Variants in PAPSS2 observed in about 807,000 individuals in gnomAD.
PAPSS2 encodes bifunctional 3'-phosphoadenosine 5'-phosphosulfate synthase 2.
Under a neutral mutation model 66.5 loss-of-function variants are expected in PAPSS2, and 61 were observed. That is an observed-to-expected ratio of 0.92 (90% CI 0.75 to 1.14). The LOEUF is 1.14. Among genes scored for constraint, PAPSS2 ranks in the 50% most tolerant of loss-of-function variants. The probability of loss-of-function intolerance (pLI) is 0.00; values close to 1 mark genes in which losing one functional copy is unlikely to be tolerated. For synonymous variants in PAPSS2, 289 were observed against 287.5 expected (o/e 1.01, Z -0.05); for missense variants, 708 against 789.6 (o/e 0.90, Z 1.24).
chr10:87,668,611 A>C (rs1852840587), intron 1 of PAPSS2, among the ~76,000 whole-genome samples: 1 of 151,776 alleles, frequency 6.6e-6, no homozygotes, highest in Admixed American at 6.6e-5. Flanking sequence ...TTTTTCTACT[A>C]AGTTGAACAT....
chr10:87,722,664 GGAA>G (rs1853611313), intron 8 of PAPSS2, among the ~76,000 whole-genome samples: 2 of 152,152 alleles, frequency 1.3e-5, no homozygotes, highest in African/African-American at 4.8e-5. Context: ...AGCACATGAA[GGAA>G]AAGGCTGAAA....
In PAPSS2 at chr10:87,743,444, C is replaced by T. The variant is rs201993263; in HGVS notation, c.1294C>T (p.Arg432Cys). 65 of 1,613,940 alleles carry T rather than the reference C, an allele frequency of 4.0e-5. No individual in the cohort carries two copies. Among genetic ancestry groups the T allele is most frequent in the Non-Finnish European group, 5.0e-5 (59 of 1,180,004 alleles). Residue 432 changes from arginine (R) to cysteine (C), a missense_variant, in exon 11 of 13, where the codon CGC becomes TGC. By Grantham distance (180) the Arg-to-Cys change is radical. Transcript: ENST00000456849. ...GHALLMQDTRRRLLERGYKHP... is the reference protein window; with the variant it reads ...GHALLMQDTRCRLLERGYKHP... ...TGCCCTGTTGATGCAGGACACTCGCCGCAGGCTCCTAGAGAGGGGCTACAA... is the reference window on the plus strand; with the variant it reads ...TGCCCTGTTGATGCAGGACACTCGCTGCAGGCTCCTAGAGAGGGGCTACAA...
chr10:87,711,194 C>T (rs1044785291), intron 2 of PAPSS2, among the ~76,000 whole-genome samples: 1 of 152,212 alleles, frequency 6.6e-6, no homozygotes, highest in Non-Finnish European at 1.5e-5. Flanking sequence ...GCCAGTTAGG[C>T]TCTCTAAGCC....
intron 2 of PAPSS2, among the ~76,000 whole-genome samples, chr10:87,710,062 C>T (rs1374617748): frequency 3.3e-5 from 5 of 152,134 alleles, no homozygotes; most frequent in Admixed American, 6.5e-5. Flanking sequence ...AAAGGAAAAA[C>T]CAAGTTCATT....
At chr10:87,705,869 G>C (rs1403760535) in intron 1 of PAPSS2, among the ~76,000 whole-genome samples, 1 of 150,940 alleles carries the variant, frequency 6.6e-6, no homozygotes, top group Non-Finnish European at 1.5e-5. Context: ...GAGTAGCTGG[G>C]ATTACAGGCA....
At chr10:87,690,197 C>T (rs924855927) in intron 1 of PAPSS2, among the ~76,000 whole-genome samples, 3 of 152,062 alleles carry the variant, frequency 2.0e-5, no homozygotes, top group Admixed American at 2.0e-4. Flanking sequence ...TCCAAGTATT[C>T]ATCAAAAAAG....
At chr10:87,701,378 TTCTTTCTTTCTTTCTTTC>T in intron 1 of PAPSS2, among the ~76,000 whole-genome samples, 1 of 104,836 alleles carries the variant, frequency 9.5e-6, no homozygotes, top group Non-Finnish European at 1.8e-5. Context: ...CTTTCTTTCT[TTCTTTCTTTCTTTCTTTC>T]TCTTTCTTTC....
intron 7 of PAPSS2, 143 bp from the exon 8 acceptor site, chr10:87,721,613 A>G: frequency 1.6e-6 from 1 of 612,934 alleles, no homozygotes; most frequent in Non-Finnish European, 2.9e-6. Context: ...CTCTATTTTT[A>G]AAAATAGCAT....
Position 87,743,768 on chromosome 10 carries a change from CTCT to C in PAPSS2, c.1491+132_1491+134del, listed in dbSNP as rs1320713548. On this transcript the variant is annotated intron_variant, in intron 11 of 12. Transcript: ENST00000456849. ...AGCAGATTCTGGAATGTTCTGGTGT[CTCT>C]TCTTTATCTAGCTTAATTATGTTTC... The C allele has an allele frequency of 6.2e-6, 7 of 1,120,456 alleles. No homozygotes were observed. The Admixed American group carries it at 1.1e-4, about 18-fold the overall frequency. The allele number at this position is 1,120,456 out of a possible 1,614,324, so 69.4% of individuals were successfully genotyped here.
At chr10:87,684,601 G>GTGTT (rs1853064945) in intron 1 of PAPSS2, among the ~76,000 whole-genome samples, 1 of 152,206 alleles carries the variant, frequency 6.6e-6, no homozygotes, top group African/African-American at 2.4e-5. Context: ...TGCATCCTTA[G>GTGTT]TGTTGTGCGT....
chr10:87,671,124 G>C (rs139289249), intron 1 of PAPSS2, among the ~76,000 whole-genome samples: 66 of 152,134 alleles, frequency 4.3e-4, no homozygotes, highest in Admixed American at 1.0e-3. Flanking sequence ...GCCTCAGGAT[G>C]CATAACCCTA....
intron 8 of PAPSS2, among the ~76,000 whole-genome samples, chr10:87,726,212 A>T (rs556372003): frequency 2.6e-5 from 4 of 152,280 alleles, no homozygotes; most frequent in African/African-American, 9.6e-5. Context: ...TTGGCAGATC[A>T]TGAGGTCAAG....
Position 87,721,774 on chromosome 10 carries a change from T to C in PAPSS2, c.880+4T>C, listed in dbSNP as rs1313380937. ...TCCCTAGGCATGGCCCTTCCTGGTA[T>C]GTACTTTAACTTTCCAAGTAGCTAA... is the stretch of plus-strand genomic sequence containing the variant. On this transcript the variant is annotated splice_donor_region_variant and intron_variant, in intron 8 of 12. Coordinates refer to ENST00000456849, the MANE Select transcript of PAPSS2 (RefSeq NM_001015880.2). 2.0e-6 allele frequency: 3 copies of C among 1,508,310 alleles called. No individual in the cohort carries two copies. The highest frequency in any genetic ancestry group is 2.7e-6 in the Non-Finnish European group (3 of 1,110,328). 93.4% of individuals were successfully genotyped at this position (1,508,310 alleles called of 1,614,324 possible). A position where few individuals can be genotyped will look rare whatever the true frequency, so the allele number is the denominator to read the frequency against.
intron 9 of PAPSS2, among the ~76,000 whole-genome samples, chr10:87,736,311 AGGCTGGAGTGCAGT>A (rs1267602052): frequency 8.2e-6 from 1 of 122,416 alleles, no homozygotes; most frequent in African/African-American, 3.3e-5. Context: ...TCTGTTGCCC[AGGCTGGAGTGCAGT>A]GGCGAGACCC....
chr10:87,667,717 A>G (rs1852830749), intron 1 of PAPSS2, among the ~76,000 whole-genome samples: 2 of 152,174 alleles, frequency 1.3e-5, no homozygotes, highest in Non-Finnish European at 1.5e-5. Flanking sequence ...AACATGACAA[A>G]CTCAATCTGT....
chr10:87,746,854 C>T lies in PAPSS2; in HGVS notation c.*884C>T, dbSNP rs1361835347. On this transcript the variant is annotated 3_prime_UTR_variant, in exon 13 of 13. Transcript: ENST00000456849. Reference sequence around the variant, plus strand: ...CTATCAGACTAGCAAGGCACTAGAACTGGAAAAGACCACAGAAAACAAAGA... The same window carrying T: ...CTATCAGACTAGCAAGGCACTAGAATTGGAAAAGACCACAGAAAACAAAGA... The T allele has an allele frequency of 1.3e-5, 2 of 152,222 alleles. No homozygotes were observed. The highest frequency in any genetic ancestry group is 2.9e-5 in the Non-Finnish European group (2 of 68,044). The allele number at this position is 152,222 out of a possible 1,614,324, so 9.4% of individuals were successfully genotyped here.
intron 1 of PAPSS2, among the ~76,000 whole-genome samples, chr10:87,698,365 A>G (rs2131919865): frequency 6.6e-6 from 1 of 152,292 alleles, no homozygotes; most frequent in East Asian, 1.9e-4. Context: ...TCTGATCACA[A>G]TTTTAATTCA....
chr10:87,669,474 CAAT>C (rs1319495863), intron 1 of PAPSS2, among the ~76,000 whole-genome samples: 3 of 152,102 alleles, frequency 2.0e-5, no homozygotes, highest in Non-Finnish European at 2.9e-5. Flanking sequence ...ACTAGTACAA[CAAT>C]GTTTTGAGTA....
chr10:87,743,626 T>C lies in PAPSS2; in HGVS notation c.1476T>C (p.Tyr492=), dbSNP rs185351326. ...IVAIFPSPML[Y]AGPTEVQWHC... ...CCATCTTTCCGTCTCCCATGTTATA[T>C]GCTGGCCCCACAGAGGTGAGCAATT... Residue 492 remains tyrosine (Y), a synonymous_variant, in exon 11 of 13, where the codon TAT becomes TAC. Transcript: ENST00000456849. 5.6e-6 allele frequency: 9 copies of C among 1,614,046 alleles called. No individual in the cohort carries two copies. The East Asian group carries it at 1.1e-4, about 20-fold the overall frequency.
Sources: gnomAD v4.1 joint callset for allele counts (sites outside exome capture counted in the v4.1 genomes callset) on GRCh38, gnomAD v4.1.1 for gene constraint, MANE v1.5 for transcripts, NCBI Gene and HGNC (gene_info 2026-07-23, HGNC 2026-07-21) for gene names.